Variants in CD82 observed in about 807,000 individuals in gnomAD.
The protein encoded by CD82 is CD82 molecule.
CD82 carries 36 observed loss-of-function variants against 37.4 expected under a neutral mutation model. The ratio of observed to expected loss-of-function variants is 0.96; its 90% confidence interval spans 0.74 to 1.27. The LOEUF (loss-of-function observed/expected upper bound fraction) is 1.27. Among genes scored for constraint, CD82 ranks in the 50% most tolerant of loss-of-function variants. CD82 has a pLI of 0.00. For synonymous variants in CD82, 158 were observed against 137.4 expected (o/e 1.15, Z -1.05); for missense variants, 340 against 347.0 (o/e 0.98, Z 0.16).
upstream of CD82, chr11:44,564,585 G>A (rs1852700131): frequency 5.4e-5 from 23 of 428,198 alleles, no homozygotes; most frequent in South Asian, 3.7e-4. Context: ...CACCTAGAGA[G>A]CTCTTGCAGC....
intron 1 of CD82, 28 bp from the exon 2 acceptor site, chr11:44,587,447 G>C (rs560187786): frequency 2.2e-6 from 1 of 456,316 alleles, no homozygotes; most frequent in South Asian, 1.5e-5. Flanking sequence ...ACAGACAGGA[G>C]TGACGAGATC....
chr11:44,611,231 T>C (rs1853476448), intron 6 of CD82, among the ~76,000 whole-genome samples: 1 of 152,216 alleles, frequency 6.6e-6, no homozygotes, highest in South Asian at 2.1e-4. Context: ...CTTTATGGCA[T>C]GTGACAGTGA....
intron 7 of CD82, among the ~76,000 whole-genome samples, chr11:44,617,019 C>G (rs188497677): frequency 1.3e-5 from 2 of 152,148 alleles, no homozygotes; most frequent in Non-Finnish European, 2.9e-5. Context: ...CTGCCTGGAG[C>G]TGAGCATTTC....
chr11:44,582,343 C>T (rs1852992413), intron 1 of CD82, among the ~76,000 whole-genome samples: 1 of 152,230 alleles, frequency 6.6e-6, no homozygotes, highest in South Asian at 2.1e-4. Context: ...TGCAGGAACC[C>T]TGTGTCCATC....
intron 2 of CD82, among the ~76,000 whole-genome samples, chr11:44,593,447 CT>C (rs988226215): frequency 1.3e-5 from 2 of 152,222 alleles, no homozygotes; most frequent in African/African-American, 4.8e-5. Context: ...CCCAAAGGGT[CT>C]GAAGGCTGGC....
intron 2 of CD82, among the ~76,000 whole-genome samples, chr11:44,592,669 G>A (rs1014613905): frequency 2.6e-5 from 4 of 152,184 alleles, no homozygotes; most frequent in Non-Finnish European, 5.9e-5. Flanking sequence ...GGCCAGGACG[G>A]GGTTTGGGCA....
At chr11:44,595,987 G>T (rs561300661) in intron 3 of CD82, among the ~76,000 whole-genome samples, 5 of 150,118 alleles carry the variant, frequency 3.3e-5, no homozygotes, top group Non-Finnish European at 7.4e-5. Context: ...CATGTACAAT[G>T]TGTTCCTGGC....
At position 44,605,448 on chromosome 11, in the gene CD82, C is replaced by T. The variant is rs1853380223; in HGVS notation, c.336+19C>T. The stretch of plus-strand genomic sequence containing the variant: ...GGGCAAGGTAAGCCCCTCTCTCCCT[C>T]CCTCTTCACTGGGCTGGACCAACCA... On this transcript the variant is annotated intron_variant, in intron 6 of 9. Coordinates refer to ENST00000227155, the MANE Select transcript of CD82 (RefSeq NM_002231.4). 9 of 1,610,996 alleles carry T rather than the reference C, an allele frequency of 5.6e-6. No homozygotes were observed. Among genetic ancestry groups the T allele is most frequent in the East Asian group, 2.2e-5 (1 of 44,868 alleles).
chr11:44,578,061 A>G (rs1852924467), intron 1 of CD82, among the ~76,000 whole-genome samples: 1 of 152,188 alleles, frequency 6.6e-6, no homozygotes, highest in Non-Finnish European at 1.5e-5. Context: ...CTGTGTTCTC[A>G]GGATCACACA....
chr11:44,617,530 G>T (rs1015734406), intron 7 of CD82, among the ~76,000 whole-genome samples: 1 of 135,062 alleles, frequency 7.4e-6, no homozygotes, highest in Non-Finnish European at 1.5e-5. Context: ...CTGCACTCCA[G>T]CCTGGGTGAC....
intron 3 of CD82, among the ~76,000 whole-genome samples, chr11:44,596,465 T>C (rs1853229179): frequency 6.6e-6 from 1 of 152,010 alleles, no homozygotes; most frequent in African/African-American, 2.4e-5. Flanking sequence ...GCAGTGGGGG[T>C]TGGGGAGACC....
At chr11:44,580,122 G>T (rs893939330) in intron 1 of CD82, among the ~76,000 whole-genome samples, 1 of 152,178 alleles carries the variant, frequency 6.6e-6, no homozygotes, top group African/African-American at 2.4e-5. Context: ...TCTCACCTGG[G>T]CTGAGCTGCC....
At chr11:44,599,847 A>G (rs150217126) in intron 3 of CD82, among the ~76,000 whole-genome samples, 40 of 152,294 alleles carry the variant, frequency 2.6e-4, no homozygotes, top group African/African-American at 9.6e-4. Flanking sequence ...ATGAGCTGAG[A>G]AAAGAGCCAG....
intron 1 of CD82, among the ~76,000 whole-genome samples, chr11:44,577,903 G>T (rs1278652798): frequency 6.6e-6 from 1 of 152,128 alleles, no homozygotes; most frequent in Non-Finnish European, 1.5e-5. Context: ...GGTGTCCTCG[G>T]CGGATAATGG....
chr11:44,601,037 C>A (rs1372149707), intron 4 of CD82, among the ~76,000 whole-genome samples: 8 of 152,194 alleles, frequency 5.3e-5, no homozygotes, highest in Admixed American at 2.6e-4. Context: ...TCTGCGCCTG[C>A]TCGGCCTCCT....
intron 6 of CD82, among the ~76,000 whole-genome samples, chr11:44,608,408 C>T (rs1474069516): frequency 6.6e-6 from 1 of 152,146 alleles, no homozygotes; most frequent in Non-Finnish European, 1.5e-5. Flanking sequence ...TTGGGTTCTG[C>T]TTCTATAAAT....
rs1010419730 is a variant in CD82 at position 44,565,687 on chromosome 11, G to C, written c.-152G>C. ...TGCAGTCCGACGCCGACTGAGGCAC[G>C]AGCGGGTGACGCTGGGCCTGCAGCG... On this transcript the variant is annotated 5_prime_UTR_variant, in exon 1 of 10. Coordinates refer to ENST00000227155, the MANE Select transcript of CD82 (RefSeq NM_002231.4). The C allele has an allele frequency of 2.0e-5, 3 of 152,316 alleles. No homozygotes were observed. Among genetic ancestry groups the C allele is most frequent in the African/African-American group, 7.2e-5 (3 of 41,472 alleles). The allele number at this position is 152,316 out of a possible 1,614,324, so 9.4% of individuals were successfully genotyped here.
chr11:44,564,511 C>T (rs925661430), upstream of CD82: 8 of 456,152 alleles, frequency 1.8e-5, no homozygotes, highest in African/African-American at 1.6e-4. Context: ...AGGTAATCTG[C>T]CTGAGGCTAG....
chr11:44,618,833 C>T, intron 9 of CD82, 110 bp downstream of exon 9: 1 of 951,564 alleles, frequency 1.1e-6, no homozygotes, highest in Non-Finnish European at 1.6e-6. Flanking sequence ...ACCCCATCAG[C>T]TTCCAGAGGC....
Sources: gnomAD v4.1 joint callset for allele counts (sites outside exome capture counted in the v4.1 genomes callset) on GRCh38, gnomAD v4.1.1 for gene constraint, MANE v1.5 for transcripts, NCBI Gene and HGNC (gene_info 2026-07-23, HGNC 2026-07-21) for gene names.